Variants in SIL1 observed in about 807,000 individuals in gnomAD.
SIL1 encodes the protein nucleotide exchange factor SIL1.
In SIL1, 40 loss-of-function variants were observed where a neutral mutation model predicts 49.1. The observed-to-expected ratio is 0.81, with a 90% CI of 0.63 to 1.06. The LOEUF (loss-of-function observed/expected upper bound fraction) is 1.06. Among genes scored for constraint, SIL1 ranks in the 50% least tolerant of loss-of-function variants. SIL1 has a pLI of 0.00. For missense variants in SIL1, 500 were observed against 572.6 expected (o/e 0.87, Z 1.29); for synonymous variants, 253 against 250.8 (o/e 1.01, Z -0.08).
At chr5:139,092,418 C>T (rs1043171200) in intron 3 of SIL1, among the ~76,000 whole-genome samples, 1 of 152,136 alleles carries the variant, frequency 6.6e-6, no homozygotes, top group African/African-American at 2.4e-5. Flanking sequence ...ATATTTAAAT[C>T]GTTTTAAGAA....
chr5:139,008,637 G>A lies in SIL1; in HGVS notation c.767+12534C>T, dbSNP rs1366733635. On this transcript the variant is annotated intron_variant, in intron 7 of 9. Transcript: ENST00000394817. Reference sequence around the variant, plus strand: ...TCCCTCTACACACTGCTTTGAATGCGTCCCAGAGATTCTGGTATGTTGTGT... The same window carrying A: ...TCCCTCTACACACTGCTTTGAATGCATCCCAGAGATTCTGGTATGTTGTGT... Among the ~76,000 whole-genome samples the A allele has an allele frequency of 4.1e-4, 60 of 147,420 alleles. No homozygotes were observed. The East Asian group carries it at 8.5e-3, about 21-fold the overall frequency.
chr5:139,184,464 G>A (rs1752043346), intron 1 of SIL1, among the ~76,000 whole-genome samples: 1 of 152,084 alleles, frequency 6.6e-6, no homozygotes, highest in South Asian at 2.1e-4. Flanking sequence ...CTTGAGGCCA[G>A]GAGTTCAAGA....
chr5:138,953,804 G>C (rs1206536907), intron 7 of SIL1, among the ~76,000 whole-genome samples: 1 of 152,200 alleles, frequency 6.6e-6, no homozygotes, highest in Non-Finnish European at 1.5e-5. Flanking sequence ...AGGAAGAGAA[G>C]ACGACCACGC....
intron 7 of SIL1, among the ~76,000 whole-genome samples, chr5:138,969,444 C>G (rs1031728360): frequency 6.6e-6 from 1 of 152,212 alleles, no homozygotes; most frequent in Non-Finnish European, 1.5e-5. Flanking sequence ...CAGTACCAGC[C>G]CAACTTTCCA....
intron 1 of SIL1, among the ~76,000 whole-genome samples, chr5:139,135,852 G>A (rs1250283209): frequency 1.3e-5 from 2 of 152,072 alleles, no homozygotes; most frequent in African/African-American, 4.8e-5. Context: ...ATCACTTGAG[G>A]TCAGGAGCTC....
chr5:139,110,719 G>C (rs1251553000), intron 3 of SIL1, among the ~76,000 whole-genome samples: 10 of 152,232 alleles, frequency 6.6e-5, no homozygotes, highest in Non-Finnish European at 1.5e-4. Flanking sequence ...GGCTAGTGGG[G>C]TGCCACCCCC....
At chr5:139,011,070 C>T (rs1468149589) in intron 7 of SIL1, among the ~76,000 whole-genome samples, 7 of 150,546 alleles carry the variant, frequency 4.6e-5, no homozygotes, top group Non-Finnish European at 8.9e-5. Context: ...GCCTCGCTGC[C>T]GCCTTGCAGT....
At chr5:139,051,614 G>A (rs1174061005) in intron 3 of SIL1, among the ~76,000 whole-genome samples, 1 of 152,146 alleles carries the variant, frequency 6.6e-6, no homozygotes, top group Non-Finnish European at 1.5e-5. Flanking sequence ...CCAGCCCTTA[G>A]GCCAGGGCTT....
chr5:139,194,230 G>A (rs1561897544), intron 1 of SIL1, among the ~76,000 whole-genome samples: 1 of 152,312 alleles, frequency 6.6e-6, no homozygotes, highest in East Asian at 1.9e-4. Context: ...AATGCCAGGT[G>A]TAAACTCCTC....
chr5:138,975,952 ATT>A (rs1767384783), intron 7 of SIL1, among the ~76,000 whole-genome samples: 1 of 152,264 alleles, frequency 6.6e-6, no homozygotes, highest in African/African-American at 2.4e-5. Context: ...TCTGAGAATA[ATT>A]TGTTATACAA....
intron 7 of SIL1, among the ~76,000 whole-genome samples, chr5:138,998,407 A>T (rs371758983): frequency 4.6e-5 from 7 of 152,184 alleles, no homozygotes; most frequent in African/African-American, 1.4e-4. Flanking sequence ...GGTTCAAGTC[A>T]TCTGCCTGCA....
chr5:138,997,624 A>G (rs913622862), intron 7 of SIL1, among the ~76,000 whole-genome samples: 6 of 152,214 alleles, frequency 3.9e-5, no homozygotes, highest in Non-Finnish European at 8.8e-5. Context: ...CAGTGGCGCA[A>G]TCTTGGCAAA....
chr5:139,103,339 C>T (rs1025733840), intron 3 of SIL1, among the ~76,000 whole-genome samples: 14 of 152,174 alleles, frequency 9.2e-5, no homozygotes, highest in African/African-American at 2.7e-4. Context: ...CCTTTCCTTC[C>T]TCCCTCTTTT....
chr5:138,982,102 G>A (rs1184357541), intron 7 of SIL1, among the ~76,000 whole-genome samples: 1 of 152,172 alleles, frequency 6.6e-6, no homozygotes, highest in African/African-American at 2.4e-5. Flanking sequence ...CATGTTGTAG[G>A]TACTTTTTTC....
At chr5:139,171,494 T>G (rs1751767563) in intron 1 of SIL1, among the ~76,000 whole-genome samples, 1 of 152,118 alleles carries the variant, frequency 6.6e-6, no homozygotes, top group South Asian at 2.1e-4. Context: ...AACAGATGCT[T>G]GAAGGCAGCG....
chr5:139,051,864 C>A (rs1561843294), intron 3 of SIL1, among the ~76,000 whole-genome samples: 1 of 152,216 alleles, frequency 6.6e-6, no homozygotes, highest in Non-Finnish European at 1.5e-5. Context: ...TGCAGTAGCA[C>A]ATACTACAAA....
rs564728557 is a variant in SIL1 at position 138,977,817 on chromosome 5, A to T, written c.768-25933T>A. ...GTCTTTCTTTAGCTCACTCCATTCC[A>T]GCCACACTCACCTTCTGGCTGCTTC... On this transcript the variant is annotated intron_variant, in intron 7 of 9. Coordinates refer to ENST00000394817, the MANE Select transcript of SIL1 (RefSeq NM_022464.5). Among the ~76,000 whole-genome samples the T allele has an allele frequency of 7.2e-5, 11 of 152,184 alleles. 1 individual carries two copies. In the East Asian group the frequency reaches 2.1e-3, roughly 29 times the overall value.
In SIL1 at chr5:139,021,264, A is replaced by C. The variant is rs751368645; in HGVS notation, c.674T>G (p.Phe225Cys). The C allele has an allele frequency of 3.1e-6, 5 of 1,614,146 alleles. No homozygotes were observed. The South Asian group carries it at 5.5e-5, about 18-fold the overall frequency. ...ATTGATCACCACTTGAAGACCACCA[A>C]AGGAAAGCAGGTCCTGCGCATTGTC... Reference protein sequence around the residue: ...QMDNAQDLLSFGGLQVVINGL... With the variant: ...QMDNAQDLLSCGGLQVVINGL... Residue 225 changes from phenylalanine to cysteine, a missense_variant, in exon 7 of 10, where the codon TTT becomes TGT. Coordinates refer to ENST00000394817, the MANE Select transcript of SIL1 (RefSeq NM_022464.5).
At chr5:139,094,701 C>G (rs992066290) in intron 3 of SIL1, among the ~76,000 whole-genome samples, 7 of 152,156 alleles carry the variant, frequency 4.6e-5, no homozygotes, top group African/African-American at 1.7e-4. Flanking sequence ...TACCATAGTA[C>G]AGTTGTCAAA....
Sources: allele counts gnomAD v4.1 joint callset (sites outside exome capture counted in the v4.1 genomes callset), GRCh38; gene constraint gnomAD v4.1.1; transcripts MANE v1.5; gene names NCBI Gene and HGNC (gene_info 2026-07-23, HGNC 2026-07-21).